KLHL29: variants seen among roughly 807,000 people sequenced by gnomAD.
KLHL29 encodes kelch like family member 29.
Under a neutral mutation model 80.4 loss-of-function variants are expected in KLHL29, and 21 were observed. The observed-to-expected ratio is 0.26, with a 90% confidence interval of 0.19 to 0.38. The LOEUF (loss-of-function observed/expected upper bound fraction) is 0.38, where lower values mean the gene tolerates loss of function less well. Among genes scored for constraint, KLHL29 ranks in the 10% least tolerant of loss-of-function variants. The pLI is 1.00. For missense variants in KLHL29, 867 were observed against 1,223.9 expected (o/e 0.71, Z 4.35); for synonymous variants, 511 against 526.8 (o/e 0.97, Z 0.41).
At chr2:23,588,894 A>G (rs979250340) in intron 3 of KLHL29, among the ~76,000 whole-genome samples, 1 of 152,152 alleles carries the variant, frequency 6.6e-6, no homozygotes, top group African/African-American at 2.4e-5. Context: ...CCAGGAGGCA[A>G]TCTCCACACT....
At chr2:23,598,501 A>G (rs1668485595) in intron 3 of KLHL29, among the ~76,000 whole-genome samples, 2 of 152,202 alleles carry the variant, frequency 1.3e-5, no homozygotes, top group Admixed American at 6.5e-5. Flanking sequence ...CCTGCCAATC[A>G]CGTTCCCTGG....
At chr2:23,565,678 G>A (rs751826401) in intron 3 of KLHL29, among the ~76,000 whole-genome samples, 74 of 152,202 alleles carry the variant, frequency 4.9e-4, no homozygotes, top group Non-Finnish European at 9.0e-4. Context: ...GGTGGGGTGG[G>A]TGGGCGAGGT....
intron 2 of KLHL29, among the ~76,000 whole-genome samples, chr2:23,478,997 C>T (rs540364208): frequency 1.3e-5 from 2 of 151,738 alleles, no homozygotes; most frequent in African/African-American, 4.8e-5. Context: ...CTCCCTCGTG[C>T]CATGGACAGC....
At chr2:23,445,001 C>T (rs933051370) in intron 1 of KLHL29, among the ~76,000 whole-genome samples, 4 of 152,154 alleles carry the variant, frequency 2.6e-5, no homozygotes, top group African/African-American at 9.7e-5. Context: ...TTGTTGGAAA[C>T]TGTGACTTTA....
chr2:23,653,919 C>A (rs1453660723), intron 5 of KLHL29, among the ~76,000 whole-genome samples: 3 of 152,292 alleles, frequency 2.0e-5, no homozygotes, highest in African/African-American at 7.2e-5. Flanking sequence ...ATAATCCCAG[C>A]ACTTTGGGAG....
intron 3 of KLHL29, among the ~76,000 whole-genome samples, chr2:23,612,062 T>C (rs1668885258): frequency 6.6e-6 from 1 of 152,186 alleles, no homozygotes; most frequent in Non-Finnish European, 1.5e-5. Context: ...GAAGAAACTG[T>C]GTCAGAAGCA....
chr2:23,517,812 A>T (rs1665986729), intron 2 of KLHL29, among the ~76,000 whole-genome samples: 1 of 152,156 alleles, frequency 6.6e-6, no homozygotes, highest in Non-Finnish European at 1.5e-5. Flanking sequence ...CATTCCCACC[A>T]CTGGAAAGTC....
intron 3 of KLHL29, among the ~76,000 whole-genome samples, chr2:23,578,431 T>C (rs1558395333): frequency 1.3e-5 from 2 of 152,326 alleles, no homozygotes; most frequent in East Asian, 1.9e-4. Context: ...AATAATACTA[T>C]CCATTTCATT....
At chr2:23,532,729 C>T (rs1337249185) in intron 2 of KLHL29, 1 of 445,656 alleles carries the variant, frequency 2.2e-6, no homozygotes, top group Admixed American at 2.4e-5. Context: ...GAGGTGTGTT[C>T]CCAGCCTCAC....
chr2:23,529,118 T>A (rs1666419091), intron 2 of KLHL29, among the ~76,000 whole-genome samples: 1 of 152,188 alleles, frequency 6.6e-6, no homozygotes, highest in Non-Finnish European at 1.5e-5. Flanking sequence ...TTTTACTAAT[T>A]TTTTTTAGAG....
rs111888590 is a variant in KLHL29 at position 23,427,404 on chromosome 2, T to C, written c.-154+41624T>C. Reference sequence around the variant, plus strand: ...CAGTGGGAAGTCATGCTTTAGATGGTGTGTCCTGATGAAAAATTGATATTG... The same window carrying C: ...CAGTGGGAAGTCATGCTTTAGATGGCGTGTCCTGATGAAAAATTGATATTG... On this transcript the variant is annotated intron_variant, in intron 1 of 13. Transcript: ENST00000486442. Among the ~76,000 whole-genome samples, 1,372 of 152,320 alleles carry C rather than the reference T, an allele frequency of 9.0e-3. 15 individuals carry two copies. The highest frequency in any genetic ancestry group is 0.027 in the African/African-American group (1,113 of 41,564).
At chr2:23,692,954 G>A (rs1179573201) in intron 7 of KLHL29, among the ~76,000 whole-genome samples, 1 of 152,132 alleles carries the variant, frequency 6.6e-6, no homozygotes, top group Non-Finnish European at 1.5e-5. Context: ...GACTCCTGAC[G>A]CCTGACCCCA....
intron 5 of KLHL29, among the ~76,000 whole-genome samples, chr2:23,645,325 T>G (rs1362552930): frequency 1.3e-5 from 2 of 152,162 alleles, no homozygotes; most frequent in African/African-American, 2.4e-5. Context: ...TGGGTCACTT[T>G]TAATTTTGCC....
intron 4 of KLHL29, among the ~76,000 whole-genome samples, 193 bp from the exon 5 acceptor site, chr2:23,642,145 G>A (rs1159387537): frequency 6.6e-6 from 1 of 152,128 alleles, no homozygotes; most frequent in African/African-American, 2.4e-5. Context: ...AGCCCCGATG[G>A]CTGTTTGTTC....
chr2:23,630,857 A>G (rs1026900609), intron 3 of KLHL29, among the ~76,000 whole-genome samples: 21 of 152,198 alleles, frequency 1.4e-4, no homozygotes, highest in African/African-American at 4.6e-4. Flanking sequence ...AGAACACAGA[A>G]TTCCTCATGA....
At chr2:23,628,462 T>C (rs1669380039) in intron 3 of KLHL29, among the ~76,000 whole-genome samples, 1 of 152,048 alleles carries the variant, frequency 6.6e-6, no homozygotes, top group African/African-American at 2.4e-5. Flanking sequence ...TTGGGAGTCA[T>C]CTCCATGCAG....
chr2:23,589,140 A>C (rs150245364), intron 3 of KLHL29, among the ~76,000 whole-genome samples: 2 of 152,402 alleles, frequency 1.3e-5, no homozygotes, highest in African/African-American at 2.4e-5. Context: ...TAATATAATC[A>C]AATGGCTGAA....
chr2:23,539,432 CTTTTTTT>C (rs869075602), intron 2 of KLHL29, among the ~76,000 whole-genome samples: 5 of 25,746 alleles, frequency 1.9e-4, no homozygotes, highest in Non-Finnish European at 3.3e-4. Flanking sequence ...ATCCTGCCTC[CTTTTTTT>C]TTTTTTTTTT....
chr2:23,670,981 CCTCCCTCCCTCCCT>C (rs1274505088), intron 5 of KLHL29, among the ~76,000 whole-genome samples: 2 of 9,452 alleles, frequency 2.1e-4, no homozygotes, highest in Non-Finnish European at 2.7e-4. Context: ...TCTCTCTCTC[CCTCCCTCCCTCCCT>C]CCCTCCCCCC....
Sources: allele counts gnomAD v4.1 joint callset (sites outside exome capture counted in the v4.1 genomes callset), GRCh38; gene constraint gnomAD v4.1.1; transcripts MANE v1.5; gene names NCBI Gene and HGNC (gene_info 2026-07-23, HGNC 2026-07-21).